MAD1L1: variants seen among roughly 807,000 people sequenced by gnomAD.
The protein encoded by MAD1L1 is mitotic arrest deficient 1 like 1, also known as mitotic spindle assembly checkpoint protein MAD1.
MAD1L1 carries 95 observed loss-of-function variants against 96.9 expected under a neutral mutation model. The observed-to-expected ratio is 0.98, with a 90% CI of 0.83 to 1.16. MAD1L1 has a LOEUF of 1.16. Among genes scored for constraint, MAD1L1 ranks in the 50% most tolerant of loss-of-function variants. MAD1L1 has a pLI of 0.00. For missense variants in MAD1L1, 1,007 were observed against 954.4 expected (o/e 1.06, Z -0.73); for synonymous variants, 473 against 396.6 (o/e 1.19, Z -2.29).
At chr7:1,829,097 T>C (rs1028934491) in intron 18 of MAD1L1, among the ~76,000 whole-genome samples, 4 of 152,128 alleles carry the variant, frequency 2.6e-5, no homozygotes, top group African/African-American at 7.2e-5. Context: ...AGGCAGCACA[T>C]TGGGCGTGGG....
intron 11 of MAD1L1, among the ~76,000 whole-genome samples, chr7:2,131,041 C>T (rs1788486485): frequency 1.3e-5 from 2 of 152,168 alleles, no homozygotes; most frequent in Non-Finnish European, 2.9e-5. Context: ...CCCTGGTGGC[C>T]GTCCTGGAAG....
At chr7:1,870,332 G>C (rs1393919552) in intron 18 of MAD1L1, among the ~76,000 whole-genome samples, 169 of 109,624 alleles carry the variant, frequency 1.5e-3, no homozygotes, top group Admixed American at 3.1e-3. Flanking sequence ...GCCTGCCACG[G>C]TGAACCTACC....
intron 17 of MAD1L1, among the ~76,000 whole-genome samples, chr7:1,915,742 A>G (rs1449260265): frequency 1.3e-5 from 2 of 152,210 alleles, no homozygotes; most frequent in Non-Finnish European, 2.9e-5. Context: ...AGCGGGGCCA[A>G]AACGACCCAA....
chr7:1,928,293 A>G (rs972136341), intron 17 of MAD1L1, among the ~76,000 whole-genome samples: 16 of 150,586 alleles, frequency 1.1e-4, no homozygotes, highest in African/African-American at 3.7e-4. Flanking sequence ...CAGAACTGCC[A>G]CACCTGACAC....
chr7:1,952,906 G>A (rs551430055), intron 16 of MAD1L1, among the ~76,000 whole-genome samples: 16 of 152,244 alleles, frequency 1.1e-4, no homozygotes, highest in Admixed American at 9.2e-4. Flanking sequence ...GGCCAGACCT[G>A]AGGAGGTTGG....
At position 1,951,746 on chromosome 7, in the gene MAD1L1, T is replaced by C. The variant is rs116074423; in HGVS notation, c.1596+5883A>G. Among the ~76,000 whole-genome samples, 1,274 of 152,284 alleles carry C rather than the reference T, an allele frequency of 8.4e-3. 14 individuals are homozygous for C. The highest frequency in any genetic ancestry group is 0.03 in the African/African-American group (1,227 of 41,548). On this transcript the variant is annotated intron_variant, in intron 16 of 18. Transcript: ENST00000265854. ...AGCTCAGCGTCCTCAGGTCCATCCATGCTGCGGCAGGTGTCGGGACGCGCC... is the reference window on the plus strand; with the variant it reads ...AGCTCAGCGTCCTCAGGTCCATCCACGCTGCGGCAGGTGTCGGGACGCGCC...
At chr7:2,019,888 C>T (rs61553171) in intron 12 of MAD1L1, among the ~76,000 whole-genome samples, 10,506 of 152,302 alleles carry the variant, frequency 0.069, 1,166 homozygotes, top group African/African-American at 0.23. Context: ...CCTGGGCCTG[C>T]TGCCCCTAAA....
At chr7:1,906,978 C>T (rs1787674988) in intron 17 of MAD1L1, among the ~76,000 whole-genome samples, 1 of 152,052 alleles carries the variant, frequency 6.6e-6, no homozygotes, top group Non-Finnish European at 1.5e-5. Context: ...GATGAAAAGC[C>T]CTTAAAATCA....
intron 18 of MAD1L1, among the ~76,000 whole-genome samples, chr7:1,819,627 TCTTA>T (rs1030691682): frequency 1.3e-5 from 2 of 152,194 alleles, no homozygotes; most frequent in Admixed American, 1.3e-4. Flanking sequence ...GGCTGACTAG[TCTTA>T]CTAAGCGCTG....
At chr7:1,877,192 C>T (rs1305886307) in intron 18 of MAD1L1, among the ~76,000 whole-genome samples, 1 of 151,964 alleles carries the variant, frequency 6.6e-6, no homozygotes, top group Non-Finnish European at 1.5e-5. Flanking sequence ...CATCAAACTC[C>T]AACCCATGGG....
intron 11 of MAD1L1, among the ~76,000 whole-genome samples, chr7:2,129,585 G>A (rs190651138): frequency 2.6e-5 from 4 of 152,212 alleles, no homozygotes; most frequent in Admixed American, 1.3e-4. Context: ...GTCATGAGGA[G>A]AGAGCACACA....
intron 10 of MAD1L1, among the ~76,000 whole-genome samples, chr7:2,204,310 G>A (rs371026087): frequency 6.6e-5 from 10 of 152,180 alleles, no homozygotes; most frequent in African/African-American, 1.9e-4. Context: ...AGAGCTGACC[G>A]TCTGCTGTTG....
chr7:2,213,704 G>A (rs188303445), intron 9 of MAD1L1, among the ~76,000 whole-genome samples: 10 of 152,294 alleles, frequency 6.6e-5, no homozygotes, highest in African/African-American at 2.4e-4. Context: ...CAGTCCTGGA[G>A]CCAAACTTCC....
intron 12 of MAD1L1, among the ~76,000 whole-genome samples, chr7:2,063,055 A>G (rs1435080010): frequency 6.6e-6 from 1 of 152,124 alleles, no homozygotes; most frequent in East Asian, 1.9e-4. Flanking sequence ...GAGGGAAGGG[A>G]CTGCTCTACG....
chr7:2,028,629 G>A (rs1783087857), intron 12 of MAD1L1, among the ~76,000 whole-genome samples: 1 of 152,234 alleles, frequency 6.6e-6, no homozygotes, highest in South Asian at 2.1e-4. Context: ...GGGCAGCCCT[G>A]ATGCAGACAA....
chr7:1,942,516 A>G (rs1048179817), intron 16 of MAD1L1, among the ~76,000 whole-genome samples: 9 of 152,218 alleles, frequency 5.9e-5, no homozygotes, highest in African/African-American at 1.9e-4. Flanking sequence ...TCTCCAGGGC[A>G]GCCGAGTGTC....
intron 16 of MAD1L1, among the ~76,000 whole-genome samples, chr7:1,943,601 G>A (rs1227464306): frequency 6.6e-6 from 1 of 152,174 alleles, no homozygotes; most frequent in Non-Finnish European, 1.5e-5. Context: ...CGGCTGGGAA[G>A]TCACGCAACA....
intron 18 of MAD1L1, among the ~76,000 whole-genome samples, chr7:1,823,450 T>C (rs1274515022): frequency 1.3e-5 from 2 of 152,122 alleles, no homozygotes; most frequent in African/African-American, 2.4e-5. Flanking sequence ...GTGAAGCAGA[T>C]ACAAGGATAA....
chr7:1,837,354 T>C (rs1471415881), intron 18 of MAD1L1, among the ~76,000 whole-genome samples: 1 of 152,192 alleles, frequency 6.6e-6, no homozygotes, highest in Non-Finnish European at 1.5e-5. Flanking sequence ...ATACTGCTGA[T>C]AGGAATGGAA....
Sources: allele counts gnomAD v4.1 joint callset (sites outside exome capture counted in the v4.1 genomes callset), GRCh38; gene constraint gnomAD v4.1.1; transcripts MANE v1.5; gene names NCBI Gene and HGNC (gene_info 2026-07-23, HGNC 2026-07-21).